The following LRRFIP2 variants were observed in gnomAD, a reference collection of about 807,000 sequenced individuals.
LRRFIP2 encodes the protein leucine-rich repeat flightless-interacting protein 2.
LRRFIP2 carries 109 observed loss-of-function variants against 125.9 expected under a neutral mutation model. That is an observed-to-expected ratio of 0.87 (90% CI 0.74 to 1.01). LRRFIP2 has a LOEUF of 1.01. Among genes scored for constraint, LRRFIP2 ranks in the 50% least tolerant of loss-of-function variants. The probability of loss-of-function intolerance (pLI) is 0.00; values close to 1 mark genes in which losing one functional copy is unlikely to be tolerated. For missense variants in LRRFIP2, 850 were observed against 862.3 expected, an observed-to-expected ratio of 0.99 and a Z score of 0.18; for synonymous variants, 291 against 293.1, an observed-to-expected ratio of 0.99 and a Z score of 0.07.
intron 21 of LRRFIP2, among the ~76,000 whole-genome samples, chr3:37,069,388 G>T (rs1426831202): frequency 1.3e-5 from 2 of 152,208 alleles, no homozygotes; most frequent in Non-Finnish European, 2.9e-5. Flanking sequence ...ATATGATTCA[G>T]CCTTAAAAGG....
At position 37,081,482 on chromosome 3, in the gene LRRFIP2, A is replaced by C. The variant is rs73824625; in HGVS notation, c.1278+2154T>G. 7.6e-3 allele frequency among the ~76,000 whole-genome samples: 1,153 copies of C among 152,252 alleles called. 18 individuals carry two copies. Among genetic ancestry groups the C allele is most frequent in the African/African-American group, 0.026 (1,097 of 41,526 alleles). Reference sequence around the variant, plus strand: ...AAGCAATAGTTGTTTAGAACAAGAGAGCTCGGAGTAAAGGTATGTTAGAAA... The same window carrying C: ...AAGCAATAGTTGTTTAGAACAAGAGCGCTCGGAGTAAAGGTATGTTAGAAA... On this transcript the variant is annotated intron_variant, in intron 19 of 27. Transcript: ENST00000336686.
intron 18 of LRRFIP2, among the ~76,000 whole-genome samples, chr3:37,086,522 C>T (rs2093058800): frequency 1.3e-5 from 2 of 152,060 alleles, no homozygotes; most frequent in Admixed American, 6.6e-5. Context: ...CAAATCCATA[C>T]AGTAGAATAC....
chr3:37,084,101 A>C (rs1315069065), intron 18 of LRRFIP2, among the ~76,000 whole-genome samples: 2 of 152,248 alleles, frequency 1.3e-5, no homozygotes, highest in East Asian at 3.8e-4. Context: ...TGTAAGGGTC[A>C]TAAAATGAAG....
In LRRFIP2 at chr3:37,054,441, C is replaced by G. The variant is rs1184824605; in HGVS notation, c.2025G>C (p.Leu675Phe). The change falls in exon 27 of 28, where the codon TTG becomes TTC. Residue 675 changes from leucine to phenylalanine, a missense_variant. Transcript: ENST00000336686. ...GTTGTAGCTTCCGTTTTTCTGCTTT[C>G]AATTCATCTTCAACTTTCTCAGCAT... is the stretch of plus-strand genomic sequence containing the variant. ...AENAEKVEDE[L>F]KAEKRKLQRE... 1.2e-6 allele frequency: 2 copies of G among 1,613,732 alleles called. No individual in the cohort carries two copies. The highest frequency in any genetic ancestry group is 1.7e-6 in the Non-Finnish European group (2 of 1,179,896).
Position 37,053,188 on chromosome 3 carries a change from G to A in LRRFIP2, c.*663C>T, listed in dbSNP as rs4579. 53,521 of 152,328 alleles carry A rather than the reference G, an allele frequency of 0.35. 10,573 individuals are homozygous for A. Among genetic ancestry groups the A allele is most frequent in the Non-Finnish European group, 0.45 (30,766 of 67,942 alleles). 9.4% of individuals were successfully genotyped at this position (152,328 alleles called of 1,614,324 possible). ...AAAAAAGGACCCAACTCTTACTTTA[G>A]GAGTATTAGGCCTGGACTTCCCCTG... On this transcript the variant is annotated 3_prime_UTR_variant, in exon 28 of 28. Transcript: ENST00000336686.
chr3:37,122,225 T>C (rs1044703019), intron 4 of LRRFIP2, among the ~76,000 whole-genome samples: 16 of 151,408 alleles, frequency 1.1e-4, no homozygotes, highest in African/African-American at 3.6e-4. Context: ...GCTTCATCCA[T>C]GTCCCTACAA....
Position 37,070,443 on chromosome 3 carries a change from T to A in LRRFIP2, c.1464+2347A>T, listed in dbSNP as rs954973504. Among the ~76,000 whole-genome samples the A allele has an allele frequency of 6.6e-5, 10 of 151,902 alleles. No homozygotes were observed. In the South Asian group the frequency reaches 1.9e-3, roughly 29 times the overall value. ...TTAATTTCTTACAACTGCATGTAAATCTAAAATTCTGGCCGGGCACAGTGG... is the reference window on the plus strand; with the variant it reads ...TTAATTTCTTACAACTGCATGTAAAACTAAAATTCTGGCCGGGCACAGTGG... On this transcript the variant is annotated intron_variant, in intron 21 of 27. Coordinates refer to ENST00000336686, the MANE Select transcript of LRRFIP2 (RefSeq NM_006309.4).
chr3:37,165,786 AGAAAG>A (rs1342965266), intron 1 of LRRFIP2, among the ~76,000 whole-genome samples: 1 of 130,318 alleles, frequency 7.7e-6, no homozygotes, highest in South Asian at 2.6e-4. Flanking sequence ...AAAAGAAAAG[AGAAAG>A]AAAGAGAAAG....
rs1362681664 is a variant in LRRFIP2, at chr3:37,127,654, C to A, written c.204G>T (p.Lys68Asn). The A allele has an allele frequency of 6.2e-7, 1 of 1,614,016 alleles. No individual in the cohort carries two copies. Among genetic ancestry groups the A allele is most frequent in the Admixed American group, 1.7e-5 (1 of 60,026 alleles). ...CCAGCCACTTCTGAATCTGTCCCCA[C>A]TTCCGATCAAAGGAATGAAGAGAGT... ...KEYSLHSFDRKWGQIQKWLED... is the reference protein window; with the variant it reads ...KEYSLHSFDRNWGQIQKWLED... Residue 68 changes from lysine (K) to asparagine (N), a missense_variant, in exon 4 of 28, where the codon AAG becomes AAT. By Grantham distance (94) the Lys-to-Asn change is moderately conservative. Transcript: ENST00000336686.
chr3:37,145,864 G>A (rs1027298832), intron 2 of LRRFIP2, among the ~76,000 whole-genome samples: 4 of 152,270 alleles, frequency 2.6e-5, no homozygotes, highest in South Asian at 4.1e-4. Flanking sequence ...TCCTAGCTAC[G>A]TAACCTTGGG....
chr3:37,099,797 AG>A (rs1027108863), intron 15 of LRRFIP2, among the ~76,000 whole-genome samples: 1 of 152,232 alleles, frequency 6.6e-6, no homozygotes, highest in African/African-American at 2.4e-5. Flanking sequence ...AATATTATAT[AG>A]GCTTGCAGAA....
chr3:37,058,735 C>A, intron 25 of LRRFIP2, 55 bp downstream of exon 25: 1 of 1,586,130 alleles, frequency 6.3e-7, no homozygotes, highest in Non-Finnish European at 8.6e-7. Context: ...GACAAACCCA[C>A]CCCTGGGACA....
At chr3:37,108,740 T>C (rs1240449801) in intron 11 of LRRFIP2, 56 bp from the exon 12 acceptor site, 2 of 1,437,220 alleles carry the variant, frequency 1.4e-6, no homozygotes, top group Admixed American at 1.7e-5. Context: ...GTTTTGAAAA[T>C]GACTTAATGT....
intron 21 of LRRFIP2, among the ~76,000 whole-genome samples, chr3:37,069,945 A>C (rs2090870377): frequency 1.3e-5 from 2 of 152,154 alleles, no homozygotes; most frequent in African/African-American, 2.4e-5. Flanking sequence ...TAAGGCTATG[A>C]CTATAAAAAG....
At chr3:37,062,914 T>C (rs371248132) in intron 24 of LRRFIP2, among the ~76,000 whole-genome samples, 1 of 152,034 alleles carries the variant, frequency 6.6e-6, no homozygotes, top group Non-Finnish European at 1.5e-5. Context: ...CTAAATCACA[T>C]GCAAAGAAAA....
At position 37,055,858 on chromosome 3, in the gene LRRFIP2, T is replaced by C. The variant is rs569263144; in HGVS notation, c.1871-693A>G. 9.2e-5 allele frequency among the ~76,000 whole-genome samples: 14 copies of C among 152,296 alleles called. No homozygotes were observed. The East Asian group carries it at 2.7e-3, about 29-fold the overall frequency. On this transcript the variant is annotated intron_variant, in intron 25 of 27. Coordinates refer to ENST00000336686, the MANE Select transcript of LRRFIP2 (RefSeq NM_006309.4). ...AGTTCCCTGAACGCGGCCCCATGCCTTCCCATCTCCCAGGTTTTGCTTCTG... is the reference window on the plus strand; with the variant it reads ...AGTTCCCTGAACGCGGCCCCATGCCCTCCCATCTCCCAGGTTTTGCTTCTG...
intron 2 of LRRFIP2, among the ~76,000 whole-genome samples, chr3:37,137,818 C>A (rs1159840959): frequency 3.9e-5 from 6 of 152,190 alleles, no homozygotes; most frequent in African/African-American, 4.8e-5. Flanking sequence ...CATTTTCCCC[C>A]AGTCAACAGG....
chr3:37,127,392 C>T (rs1196149758), intron 4 of LRRFIP2, among the ~76,000 whole-genome samples: 1 of 152,058 alleles, frequency 6.6e-6, no homozygotes, highest in Non-Finnish European at 1.5e-5. Flanking sequence ...CATTCATTTT[C>T]TCACTCTTTC....
chr3:37,056,471 T>G (rs2086892001), intron 25 of LRRFIP2, among the ~76,000 whole-genome samples: 1 of 144,314 alleles, frequency 6.9e-6, no homozygotes, highest in African/African-American at 2.5e-5. Flanking sequence ...TTTTTTTTTT[T>G]GAGATGGAGT....
Sources: allele counts gnomAD v4.1 joint callset (sites outside exome capture counted in the v4.1 genomes callset), GRCh38; gene constraint gnomAD v4.1.1; transcripts MANE v1.5; gene names NCBI Gene and HGNC (gene_info 2026-07-23, HGNC 2026-07-21).